COL15A1: variants seen among roughly 807,000 people sequenced by gnomAD.
COL15A1 encodes collagen alpha-1(XV) chain.
COL15A1 carries 111 observed loss-of-function variants against 165.9 expected under a neutral mutation model. That is an observed-to-expected ratio of 0.67 (90% CI 0.57 to 0.78). COL15A1 has a LOEUF of 0.78. Ranked by LOEUF, COL15A1 falls within the 30% of genes least tolerant of loss-of-function variation. The pLI, the probability that COL15A1 is intolerant of heterozygous loss-of-function variation, is 0.00. For missense variants in COL15A1, 1,745 were observed against 1,789.7 expected (o/e 0.98, Z 0.45); for synonymous variants, 659 against 674.8 (o/e 0.98, Z 0.36).
In COL15A1 at chr9:98,944,056, C is replaced by T. The variant is rs752393916; in HGVS notation, c.-6C>T. ...CGCGCCTTCCGGGGCTCCGCAGACC[C>T]GCGAGATGGCACCAAGGTAAGACCC... On this transcript the variant is annotated 5_prime_UTR_variant, in exon 1 of 42. Transcript: ENST00000375001. 3.7e-6 allele frequency: 6 copies of T among 1,614,090 alleles called. No individual in the cohort carries two copies. Among genetic ancestry groups the T allele is most frequent in the Non-Finnish European group, 5.1e-6 (6 of 1,179,934 alleles).
At chr9:99,041,784 C>G (rs1296221610) in intron 23 of COL15A1, among the ~76,000 whole-genome samples, 2 of 152,110 alleles carry the variant, frequency 1.3e-5, no homozygotes, top group Non-Finnish European at 2.9e-5. Context: ...TAGGCTGGAT[C>G]AGTAGTGCCC....
chr9:99,006,588 G>A (rs1564049938), intron 9 of COL15A1, among the ~76,000 whole-genome samples: 1 of 152,196 alleles, frequency 6.6e-6, no homozygotes, highest in Non-Finnish European at 1.5e-5. Context: ...CAGTTATATG[G>A]ATTCTTTCAG....
intron 6 of COL15A1, among the ~76,000 whole-genome samples, chr9:98,999,638 G>A (rs959548999): frequency 6.7e-6 from 1 of 150,354 alleles, no homozygotes; most frequent in Non-Finnish European, 1.5e-5. Context: ...CCCTCCTTAG[G>A]CTCCTGAGCA....
intron 12 of COL15A1, 53 bp downstream of exon 12, chr9:99,020,495 G>C: frequency 7.8e-7 from 1 of 1,286,054 alleles, no homozygotes; most frequent in South Asian, 1.2e-5. Context: ...CAAGTGTCCT[G>C]AACATGTTAT....
Position 98,985,992 on chromosome 9 carries a change from C to T in COL15A1, c.528C>T (p.Leu176=), listed in dbSNP as rs751192017. 5.6e-6 allele frequency: 9 copies of T among 1,614,030 alleles called. No homozygotes were observed. The highest frequency in any genetic ancestry group is 2.2e-5 in the East Asian group (1 of 44,894). ...TCCAGGGTGAGGAAGTGACCCTCCTCGTGAACTGTGAGGAGCACAGCCGCA... is the reference window on the plus strand; with the variant it reads ...TCCAGGGTGAGGAAGTGACCCTCCTTGTGAACTGTGAGGAGCACAGCCGCA... ...MIVQGEEVTL[L]VNCEEHSRIP... is the part of the protein sequence containing the mutation. Residue 176 remains leucine, a synonymous_variant, in exon 3 of 42, where the codon CTC becomes CTT. Transcript: ENST00000375001.
intron 26 of COL15A1, among the ~76,000 whole-genome samples, chr9:99,046,648 A>G (rs1191021923): frequency 6.6e-6 from 1 of 152,230 alleles, no homozygotes; most frequent in Non-Finnish European, 1.5e-5. Context: ...CAAAACCATC[A>G]GAGCTAGGGA....
In COL15A1 at chr9:99,022,145, C is replaced by A. The variant is rs1564062226; in HGVS notation, c.1756C>A (p.Pro586Thr). The A allele has an allele frequency of 6.2e-7, 1 of 1,614,096 alleles. No homozygotes were observed. The change falls in exon 13 of 42, where the codon CCC (proline) becomes ACC (threonine). Residue 586 changes from proline to threonine, a missense_variant. Physicochemically the swap from Pro to Thr is conservative, Grantham distance 38 (BLOSUM62 -1). Coordinates refer to ENST00000375001, the MANE Select transcript of COL15A1 (RefSeq NM_001855.5). ...TCCTGAACCTTCTGGGCCTGTTGGA[C>A]CCACGGTGAGATTCCCATCCAGGCT... ...GPPEPSGPVG[P>T]TAGAEAEGSG...
intron 5 of COL15A1, among the ~76,000 whole-genome samples, chr9:98,990,517 G>A (rs560476771): frequency 3.3e-5 from 5 of 152,342 alleles, no homozygotes; most frequent in African/African-American, 1.2e-4. Flanking sequence ...CCCAACCTGG[G>A]GCAGTAGGAC....
chr9:99,036,250 T>C, intron 20 of COL15A1, 45 bp downstream of exon 20: 1 of 1,613,714 alleles, frequency 6.2e-7, no homozygotes, highest in Non-Finnish European at 8.5e-7. Flanking sequence ...CTTTCCAGCC[T>C]GGTTCTGGGA....
intron 9 of COL15A1, among the ~76,000 whole-genome samples, chr9:99,012,782 G>T (rs1427905902): frequency 2.8e-5 from 4 of 140,374 alleles, no homozygotes; most frequent in Non-Finnish European, 4.5e-5. Flanking sequence ...TACAATCTCG[G>T]CTCACTGCAA....
chr9:98,950,995 A>T (rs1313381583), intron 2 of COL15A1, among the ~76,000 whole-genome samples: 1 of 152,094 alleles, frequency 6.6e-6, no homozygotes, highest in African/African-American at 2.4e-5. Context: ...ATTTAATGGG[A>T]AGCATATGAA....
intron 6 of COL15A1, among the ~76,000 whole-genome samples, chr9:98,998,516 G>A (rs1417429694): frequency 6.6e-6 from 1 of 152,186 alleles, no homozygotes; most frequent in East Asian, 1.9e-4. Flanking sequence ...ATTTGCTGTC[G>A]GCCTGGGGCA....
chr9:98,957,547 G>A (rs902367245), intron 2 of COL15A1, among the ~76,000 whole-genome samples: 1 of 152,168 alleles, frequency 6.6e-6, no homozygotes, highest in Non-Finnish European at 1.5e-5. Flanking sequence ...ACCAAGTGCT[G>A]TCCTGGCCTC....
Position 98,960,347 on chromosome 9 carries a change from C to T in COL15A1, c.100+16097C>T, listed in dbSNP as rs1588491474. 2.0e-5 allele frequency among the ~76,000 whole-genome samples: 3 copies of T among 152,130 alleles called. No individual in the cohort carries two copies. In the South Asian group the frequency reaches 6.2e-4, roughly 32 times the overall value. ...CCCAAGAGGTTAAGGCTGCAGTGAGCCGAGGTCACACCACTGAACGAACCC... is the reference window on the plus strand; with the variant it reads ...CCCAAGAGGTTAAGGCTGCAGTGAGTCGAGGTCACACCACTGAACGAACCC... On this transcript the variant is annotated intron_variant, in intron 2 of 41. Transcript: ENST00000375001.
At chr9:99,033,014 T>G (rs1839233328) in intron 16 of COL15A1, among the ~76,000 whole-genome samples, 1 of 152,280 alleles carries the variant, frequency 6.6e-6, no homozygotes. Context: ...CTCCATTTCC[T>G]TGGATGTAAA....
chr9:98,947,713 A>G (rs1837607654), intron 2 of COL15A1, among the ~76,000 whole-genome samples: 1 of 152,078 alleles, frequency 6.6e-6, no homozygotes, highest in African/African-American at 2.4e-5. Context: ...TTCTGCCTGC[A>G]CCTCCAGGTC....
intron 11 of COL15A1, among the ~76,000 whole-genome samples, chr9:99,016,563 G>A (rs369057207): frequency 1.3e-5 from 2 of 152,166 alleles, no homozygotes; most frequent in African/African-American, 2.4e-5. Flanking sequence ...TTGGCCCTCC[G>A]TTTCCTCATC....
chr9:99,062,208 A>C, intron 37 of COL15A1, 37 bp from the exon 38 acceptor site: 1 of 1,605,964 alleles, frequency 6.2e-7, no homozygotes, highest in Non-Finnish European at 8.5e-7. Flanking sequence ...GAAGTTTGTA[A>C]TTGATCTTTC....
intron 16 of COL15A1, among the ~76,000 whole-genome samples, chr9:99,033,711 G>T (rs917884147): frequency 6.6e-6 from 1 of 152,196 alleles, no homozygotes; most frequent in Admixed American, 6.5e-5. Flanking sequence ...AAAAATGACT[G>T]GGGGGAAGGA....
Sources: allele counts gnomAD v4.1 joint callset (sites outside exome capture counted in the v4.1 genomes callset), GRCh38; gene constraint gnomAD v4.1.1; transcripts MANE v1.5; gene names NCBI Gene and HGNC (gene_info 2026-07-23, HGNC 2026-07-21).